The following TRPC3 variants were observed in gnomAD, a reference collection of about 807,000 sequenced individuals.
TRPC3 encodes the protein short transient receptor potential channel 3.
In TRPC3, 54 loss-of-function variants were observed where a neutral mutation model predicts 90.9. The observed-to-expected ratio is 0.59, with a 90% CI of 0.48 to 0.75. TRPC3 has a LOEUF of 0.75. Ranked by LOEUF, TRPC3 falls within the 30% of genes least tolerant of loss-of-function variation. The pLI is 0.00. For missense variants in TRPC3, 918 were observed against 1,194.5 expected (o/e 0.77, Z 3.41); for synonymous variants, 424 against 450.9 (o/e 0.94, Z 0.75).
chr4:121,923,328 A>G (rs1729592124), intron 3 of TRPC3, among the ~76,000 whole-genome samples: 2 of 152,202 alleles, frequency 1.3e-5, no homozygotes, highest in African/African-American at 4.8e-5. Flanking sequence ...TTGGAAGCAC[A>G]GCTTAGATAA....
intron 10 of TRPC3, among the ~76,000 whole-genome samples, chr4:121,887,455 G>A (rs1728164048): frequency 6.6e-6 from 1 of 152,144 alleles, no homozygotes; most frequent in African/African-American, 2.4e-5. Context: ...CCCTGAATGT[G>A]CCTGAAGCTC....
At chr4:121,904,564 T>C in intron 7 of TRPC3, 47 bp from the exon 8 acceptor site, 2 of 1,413,580 alleles carry the variant, frequency 1.4e-6, no homozygotes, top group Non-Finnish European at 9.4e-7. Flanking sequence ...CAGTTTTCAA[T>C]ATCTAAGAGT....
chr4:121,948,474 C>T (rs1327266692), intron 1 of TRPC3, among the ~76,000 whole-genome samples: 2 of 152,048 alleles, frequency 1.3e-5, no homozygotes, highest in East Asian at 3.9e-4. Flanking sequence ...TTTGTCTCTT[C>T]ACTTTCTATT....
intron 3 of TRPC3, 44 bp downstream of exon 3, chr4:121,924,974 A>G (rs747713322): frequency 2.6e-6 from 4 of 1,558,632 alleles, no homozygotes; most frequent in South Asian, 2.4e-5. Flanking sequence ...TTTGTATCAC[A>G]TGTTTATTCT....
At chr4:121,890,055 G>A (rs1560686708) in intron 10 of TRPC3, among the ~76,000 whole-genome samples, 1 of 152,258 alleles carries the variant, frequency 6.6e-6, no homozygotes, top group South Asian at 2.1e-4. Context: ...AATGAAATAA[G>A]CCAGGTACAG....
intron 1 of TRPC3, among the ~76,000 whole-genome samples, chr4:121,948,215 T>A (rs924204270): frequency 2.0e-5 from 3 of 151,502 alleles, no homozygotes; most frequent in African/African-American, 7.3e-5. Flanking sequence ...ATCTGAAAAA[T>A]CAGATCCTCA....
At chr4:121,901,118 C>G (rs973673722) in intron 9 of TRPC3, among the ~76,000 whole-genome samples, 3 of 152,192 alleles carry the variant, frequency 2.0e-5, no homozygotes, top group Admixed American at 6.5e-5. Flanking sequence ...GACCTGTTGC[C>G]TACAGAAAGA....
At chr4:121,923,317 T>C (rs1003930808) in intron 3 of TRPC3, among the ~76,000 whole-genome samples, 2 of 152,186 alleles carry the variant, frequency 1.3e-5, no homozygotes, top group African/African-American at 4.8e-5. Context: ...GGGTGAGGTT[T>C]TTGGAAGCAC....
At position 121,940,420 on chromosome 4, in the gene TRPC3, T is replaced by C. The variant is rs185652631; in HGVS notation, c.216-7378A>G. Among the ~76,000 whole-genome samples, 6 of 152,302 alleles carry C rather than the reference T, an allele frequency of 3.9e-5. 1 individual carries two copies. The East Asian group carries it at 1.2e-3, about 29-fold the overall frequency. ...GTGGGAGGCTCAGGAGACAGACTTT[T>C]GTTGCAGGCAGATTACAGGAGCTAC... On this transcript the variant is annotated intron_variant, in intron 1 of 11. Transcript: ENST00000379645.
intron 1 of TRPC3, among the ~76,000 whole-genome samples, chr4:121,934,358 A>ATTT (rs910306175): frequency 6.6e-6 from 1 of 152,230 alleles, no homozygotes; most frequent in African/African-American, 2.4e-5. Flanking sequence ...TCTGTACAAT[A>ATTT]TTTTGGTGGC....
rs142520207 is a variant in TRPC3 at position 121,945,806 on chromosome 4, G to T, written c.215+5660C>A. Among the ~76,000 whole-genome samples the T allele has an allele frequency of 7.5e-4, 114 of 152,174 alleles. 1 individual carries two copies. The highest frequency in any genetic ancestry group is 2.6e-3 in the African/African-American group (109 of 41,506). On this transcript the variant is annotated intron_variant, in intron 1 of 11. Transcript: ENST00000379645. Reference sequence around the variant, plus strand: ...GGGGGGCAGGAACTAGGAACAGGGGGACTCTTGCCCAGTTCGTCAATACTA... The same window carrying T: ...GGGGGGCAGGAACTAGGAACAGGGGTACTCTTGCCCAGTTCGTCAATACTA...
rs182160525 is a variant in TRPC3, at chr4:121,890,909, T to C, written c.2548-8480A>G. On this transcript the variant is annotated intron_variant, in intron 10 of 11. Transcript: ENST00000379645. ...GGGAGGCTGAGGCAGGACAATCACT[T>C]GAACCTGGGAGGTGGAGATTGCAGT... 5.9e-3 allele frequency among the ~76,000 whole-genome samples: 901 copies of C among 152,164 alleles called. 6 individuals are homozygous for C. Among genetic ancestry groups the C allele is most frequent in the Non-Finnish European group, 7.8e-3 (527 of 67,998 alleles).
At position 121,907,302 on chromosome 4, in the gene TRPC3, C is replaced by T. The variant is rs202172262; in HGVS notation, c.2057+1G>A. On this transcript the variant is annotated splice_donor_variant, in intron 7 of 11. Transcript: ENST00000379645. LOFTEE classifies it high-confidence loss of function. ...CCTGTATAATAAGATATTTTACTTA[C>T]GTGGTAAAAGCAGCATTAACTTTAG... The T allele has an allele frequency of 4.4e-6, 7 of 1,602,100 alleles. No homozygotes were observed. The highest frequency in any genetic ancestry group is 1.8e-4 in the Middle Eastern group (1 of 5,412).
At chr4:121,931,559 T>TA (rs33998357) in intron 2 of TRPC3, among the ~76,000 whole-genome samples, 4 of 151,948 alleles carry the variant, frequency 2.6e-5, no homozygotes, top group Non-Finnish European at 4.4e-5. Flanking sequence ...GTTCACTTAT[T>TA]AAAAAAAATC....
chr4:121,926,492 C>T (rs1488380598), intron 2 of TRPC3, among the ~76,000 whole-genome samples: 3 of 151,660 alleles, frequency 2.0e-5, no homozygotes, highest in East Asian at 1.9e-4. Flanking sequence ...CTGCAACCTC[C>T]GCCTCCTGGG....
At chr4:121,928,230 A>C (rs111680698) in intron 2 of TRPC3, among the ~76,000 whole-genome samples, 1,700 of 152,358 alleles carry the variant, frequency 0.011, 20 homozygotes, top group Middle Eastern at 0.027. Context: ...CCACTGAAAG[A>C]TCAATAAAGA....
chr4:121,950,608 T>A (rs1032081648), intron 1 of TRPC3: 1 of 152,200 alleles, frequency 6.6e-6, no homozygotes, highest in African/African-American at 2.4e-5. Flanking sequence ...TCTCCAAGAT[T>A]GGAAATTAAG....
chr4:121,892,001 C>G (rs562999405), intron 10 of TRPC3, among the ~76,000 whole-genome samples: 3 of 152,188 alleles, frequency 2.0e-5, no homozygotes, highest in African/African-American at 7.2e-5. Context: ...ATTCATAGCC[C>G]CCAGGTACTG....
chr4:121,898,093 G>A (rs1337763541), intron 10 of TRPC3, among the ~76,000 whole-genome samples: 1 of 152,204 alleles, frequency 6.6e-6, no homozygotes, highest in African/African-American at 2.4e-5. Context: ...AAACTCATAT[G>A]TGGAAGCTAA....
Sources: allele counts gnomAD v4.1 joint callset (sites outside exome capture counted in the v4.1 genomes callset), GRCh38; gene constraint gnomAD v4.1.1; transcripts MANE v1.5; gene names NCBI Gene and HGNC (gene_info 2026-07-23, HGNC 2026-07-21).